Variants in OTUD7B observed in about 807,000 individuals in gnomAD.
OTUD7B encodes the protein OTU deubiquitinase 7B.
In OTUD7B, 34 loss-of-function variants were observed where a neutral mutation model predicts 82.2. That is an observed-to-expected ratio of 0.41 (90% CI 0.31 to 0.55). The LOEUF is 0.55. Ranked by LOEUF, OTUD7B falls within the 20% of genes least tolerant of loss-of-function variation. The pLI, the probability that OTUD7B is intolerant of heterozygous loss-of-function variation, is 0.20. For missense variants in OTUD7B, 944 were observed against 1,062.1 expected (o/e 0.89, Z 1.55); for synonymous variants, 398 against 402.7 (o/e 0.99, Z 0.14).
rs587706965 is a variant in OTUD7B at position 149,946,368 on chromosome 1, A to AAT, written c.1323+881_1323+882dup. 1.1e-4 allele frequency among the ~76,000 whole-genome samples: 17 copies of AAT among 152,124 alleles called. No homozygotes were observed. The South Asian group carries it at 2.9e-3, about 26-fold the overall frequency. ...TCAAGAGCAAGATTCCGTCTCAAAAAATATATATATGTTTTAGTATCAGAT... is the reference window on the plus strand; with the variant it reads ...TCAAGAGCAAGATTCCGTCTCAAAAAATATATATATATGTTTTAGTATCAGAT... On this transcript the variant is annotated intron_variant, in intron 11 of 11. Coordinates refer to ENST00000581312, the MANE Select transcript of OTUD7B (RefSeq NM_020205.4).
At chr1:149,989,222 C>A (rs1553781490) in intron 1 of OTUD7B, among the ~76,000 whole-genome samples, 1 of 152,026 alleles carries the variant, frequency 6.6e-6, no homozygotes, top group Non-Finnish European at 1.5e-5. Flanking sequence ...CTTGTAATCT[C>A]AGCACTTTGG....
chr1:149,944,133 G>T lies in OTUD7B; in HGVS notation c.2256C>A (p.Gly752=), dbSNP rs1647486983. ...TGTGAAGTCCATCCTTAGAGTGGCT[G>T]CCTGGCTCCAGAGAAGGGATGCTGT... ...HQDSIPSLEP[G]SHSKDGLHRG... The change falls in exon 12 of 12, where the codon GGC becomes GGA. Residue 752 remains glycine (G), a synonymous_variant. Coordinates refer to ENST00000581312, the MANE Select transcript of OTUD7B (RefSeq NM_020205.4). 3 of 1,613,938 alleles carry T rather than the reference G, an allele frequency of 1.9e-6. No individual in the cohort carries two copies. The highest frequency in any genetic ancestry group is 2.7e-5 in the African/African-American group (2 of 74,920).
At chr1:150,001,376 A>T (rs1411686011) in intron 1 of OTUD7B, among the ~76,000 whole-genome samples, 1 of 152,200 alleles carries the variant, frequency 6.6e-6, no homozygotes, top group South Asian at 2.1e-4. Context: ...CTATAAGGAG[A>T]TATCTGACTT....
At chr1:149,973,451 T>A (rs782351838) in intron 2 of OTUD7B, among the ~76,000 whole-genome samples, 2 of 152,116 alleles carry the variant, frequency 1.3e-5, no homozygotes, top group South Asian at 2.1e-4. Flanking sequence ...AATCAAATAG[T>A]CCTATTGAAA....
At position 149,943,230 on chromosome 1, in the gene OTUD7B, A is replaced by G. The variant is rs1553770853; in HGVS notation, c.*627T>C. 1 of 152,504 alleles carries G rather than the reference A, an allele frequency of 6.6e-6. No individual in the cohort carries two copies. The highest frequency in any genetic ancestry group is 1.5e-5 in the Non-Finnish European group (1 of 68,134). The allele number at this position is 152,504 out of a possible 1,614,324, so 9.4% of individuals were successfully genotyped here. ...TTAAGAGGAAAAGGATTTCCCTCTT[A>G]AGTTCCTCCCTTTCCCATCTAAACA... On this transcript the variant is annotated 3_prime_UTR_variant, in exon 12 of 12. Transcript: ENST00000581312.
Position 150,010,563 on chromosome 1 carries a change from T to A in OTUD7B, c.-182A>T, listed in dbSNP as rs1652976275. 6.5e-6 allele frequency: 1 copy of A among 153,196 alleles called. No individual in the cohort carries two copies. Among genetic ancestry groups the A allele is most frequent in the African/African-American group, 2.4e-5 (1 of 41,370 alleles). The allele number at this position is 153,196 out of a possible 1,614,324, so 9.5% of individuals were successfully genotyped here. A position where few individuals can be genotyped will look rare whatever the true frequency, so the allele number is the denominator to read the frequency against. On this transcript the variant is annotated 5_prime_UTR_variant, in exon 1 of 12. Transcript: ENST00000581312. Reference sequence around the variant, plus strand: ...CGGCCGGCCCCTCCCCCGACGGCGATGGAGGTGGAGGCGGTGGTGGAGACT... The same window carrying A: ...CGGCCGGCCCCTCCCCCGACGGCGAAGGAGGTGGAGGCGGTGGTGGAGACT...
chr1:150,042,141 CCCTTCCTTCCTCCCTT>C, the OTUD7B span, among the ~76,000 whole-genome samples: 1 of 91,044 alleles, frequency 1.1e-5, no homozygotes, highest in Non-Finnish European at 2.2e-5. Flanking sequence ...CTCCCTCCCT[CCCTTCCTTCCTCCCTT>C]CCTTCCTTCC....
rs1013210269 is a variant in OTUD7B at position 149,943,631 on chromosome 1, A to G, written c.*226T>C. ...TCCCCTTGTACCTCAAACCTCATCAAGTCAAGCTCTGCAGAGGAATAGTAC... is the reference window on the plus strand; with the variant it reads ...TCCCCTTGTACCTCAAACCTCATCAGGTCAAGCTCTGCAGAGGAATAGTAC... On this transcript the variant is annotated 3_prime_UTR_variant, in exon 12 of 12. Coordinates refer to ENST00000581312, the MANE Select transcript of OTUD7B (RefSeq NM_020205.4). The G allele has an allele frequency of 1.8e-6, 1 of 558,142 alleles. No individual in the cohort carries two copies. Among genetic ancestry groups the G allele is most frequent in the African/African-American group, 1.9e-5 (1 of 53,070 alleles). 34.6% of individuals were successfully genotyped at this position (558,142 alleles called of 1,614,324 possible).
the OTUD7B span, among the ~76,000 whole-genome samples, chr1:150,033,878 C>G: frequency 4.6e-5 from 7 of 152,192 alleles, no homozygotes; most frequent in African/African-American, 1.7e-4. Flanking sequence ...TGCGCCACCA[C>G]ACCCAGCTAA....
intron 1 of OTUD7B, among the ~76,000 whole-genome samples, chr1:150,007,641 A>G (rs1387955577): frequency 6.6e-6 from 1 of 152,212 alleles, no homozygotes; most frequent in Non-Finnish European, 1.5e-5. Context: ...AGACTGCTTT[A>G]TCCAGAGAAG....
the OTUD7B span, among the ~76,000 whole-genome samples, chr1:150,017,445 G>T: frequency 6.6e-6 from 1 of 152,186 alleles, no homozygotes; most frequent in East Asian, 1.9e-4. Flanking sequence ...GCAACAAGTA[G>T]GTAGAGAAAA....
the OTUD7B span, among the ~76,000 whole-genome samples, chr1:150,016,662 G>C: frequency 2.0e-5 from 3 of 151,974 alleles, no homozygotes; most frequent in Non-Finnish European, 2.9e-5. Context: ...ATGTTGACCA[G>C]GCTGGTCTTG....
chr1:150,027,164 T>C, the OTUD7B span, among the ~76,000 whole-genome samples: 2 of 152,208 alleles, frequency 1.3e-5, no homozygotes, highest in African/African-American at 4.8e-5. Context: ...AACAATCACC[T>C]ACCGAACCTA....
the OTUD7B span, among the ~76,000 whole-genome samples, chr1:150,028,482 A>G: frequency 6.6e-6 from 1 of 152,166 alleles, no homozygotes. Context: ...AGTACCATAT[A>G]CAGTTCAATG....
chr1:150,030,392 C>G, the OTUD7B span, among the ~76,000 whole-genome samples: 2 of 152,110 alleles, frequency 1.3e-5, no homozygotes, highest in African/African-American at 2.4e-5. Flanking sequence ...AATGCCCCTT[C>G]GAAATGCCCC....
Position 149,937,984 on chromosome 1 carries a change from A to C in OTUD7B, c.*5873T>G, listed in dbSNP as rs1365084152. 1 of 152,086 alleles carries C rather than the reference A, an allele frequency of 6.6e-6. No homozygotes were observed. The highest frequency in any genetic ancestry group is 1.5e-5 in the Non-Finnish European group (1 of 68,042). 9.4% of individuals were successfully genotyped at this position (152,086 alleles called of 1,614,324 possible). ...TTGGCTGCAACTGTGGAAATAGTGA[A>C]GATATTGTGAGACAGAAAGTCAGTC... On this transcript the variant is annotated 3_prime_UTR_variant, in exon 12 of 12. Coordinates refer to ENST00000581312, the MANE Select transcript of OTUD7B (RefSeq NM_020205.4).
intron 1 of OTUD7B, among the ~76,000 whole-genome samples, chr1:150,000,272 G>C (rs909012006): frequency 6.6e-6 from 1 of 151,732 alleles, no homozygotes; most frequent in African/African-American, 2.4e-5. Context: ...TCAGGAGTTC[G>C]AGACCAGCCT....
intron 2 of OTUD7B, 21 bp downstream of exon 2, chr1:149,977,405 T>A (rs1553778805): frequency 6.5e-7 from 1 of 1,547,750 alleles, no homozygotes; most frequent in Non-Finnish European, 8.9e-7. Context: ...TCTTTTCTCA[T>A]TCTCCCCTAC....
chr1:149,941,786 A>AT lies in OTUD7B; in HGVS notation c.*2070dup, dbSNP rs1231577880. The AT allele has an allele frequency of 6.6e-6, 1 of 152,018 alleles. No homozygotes were observed. The highest frequency in any genetic ancestry group is 2.4e-5 in the African/African-American group (1 of 41,384). The allele number at this position is 152,018 out of a possible 1,614,324, so 9.4% of individuals were successfully genotyped here. ...TTGCATTAATTTTTTTAAATACTGC[A>AT]TTTTTTATAGTATCTTGATTAATGA... On this transcript the variant is annotated 3_prime_UTR_variant, in exon 12 of 12. Coordinates refer to ENST00000581312, the MANE Select transcript of OTUD7B (RefSeq NM_020205.4).
Sources: allele counts gnomAD v4.1 joint callset (sites outside exome capture counted in the v4.1 genomes callset), GRCh38; gene constraint gnomAD v4.1.1; transcripts MANE v1.5; gene names NCBI Gene and HGNC (gene_info 2026-07-23, HGNC 2026-07-21).